TERF2: variants seen among roughly 807,000 people sequenced by gnomAD.
TERF2 encodes the protein telomeric repeat-binding factor 2.
Under a neutral mutation model 56.1 loss-of-function variants are expected in TERF2, and 16 were observed. That is an observed-to-expected ratio of 0.29 (90% CI 0.19 to 0.43). The LOEUF is 0.43. Among genes scored for constraint, TERF2 ranks in the 20% least tolerant of loss-of-function variants. The pLI is 1.00. For missense variants in TERF2, 547 were observed against 712.9 expected, an observed-to-expected ratio of 0.77 and a Z score of 2.65; for synonymous variants, 296 against 282.1, an observed-to-expected ratio of 1.05 and a Z score of -0.50.
chr16:69,382,437 A>C (rs2014037483), intron 3 of TERF2, among the ~76,000 whole-genome samples: 1 of 152,240 alleles, frequency 6.6e-6, no homozygotes, highest in African/African-American at 2.4e-5. Flanking sequence ...GATCAAGGTA[A>C]TTGTGGTTGC....
intron 6 of TERF2, 107 bp from the exon 7 acceptor site, chr16:69,367,306 C>T (rs1474899796): frequency 8.4e-7 from 1 of 1,196,782 alleles, no homozygotes; most frequent in Non-Finnish European, 1.2e-6. Context: ...GTTGAGGAGG[C>T]TTTAAATGTG....
In TERF2 at chr16:69,368,482, T is replaced by C; in HGVS notation, c.841A>G (p.Met281Val). The C allele has an allele frequency of 6.2e-7, 1 of 1,614,082 alleles. No individual in the cohort carries two copies. Among genetic ancestry groups the C allele is most frequent in the Non-Finnish European group, 8.5e-7 (1 of 1,179,998 alleles). Residue 281 changes from methionine (M) to valine (V), a missense_variant and splice_region_variant, in exon 6 of 10, where the codon ATG (methionine) becomes GTG (valine). This residue lies in a region of TERF2 where 97 missense variants were observed against 157.0 expected (regional missense o/e 0.62). Transcript: ENST00000254942. ...TCAGATTTCAAAGCCTTTTTGGCCATCTGGGAAAGGAAGGATGTCATCAGG... is the reference window on the plus strand; with the variant it reads ...TCAGATTTCAAAGCCTTTTTGGCCACCTGGGAAAGGAAGGATGTCATCAGG... ...LDDAEPYLLT[M>V]AKKALKSESA...
chr16:69,366,919 T>C lies in TERF2; in HGVS notation c.1228A>G (p.Ser410Gly). The change falls in exon 7 of 10, where the codon AGC (serine) becomes GGC (glycine). Residue 410 changes from serine to glycine, a missense_variant. This residue lies in a region of TERF2 where 211 missense variants were observed against 236.8 expected (regional missense o/e 0.89). Coordinates refer to ENST00000254942, the MANE Select transcript of TERF2 (RefSeq NM_005652.5). ...TISRLVLEED[S>G]QSTEPSAGLN... Reference sequence around the variant, plus strand: ...CCTGCGCTGGGCTCAGTACTCTGGCTGTCCTCCTCCAAGACCAATCTGCTT... The same window carrying C: ...CCTGCGCTGGGCTCAGTACTCTGGCCGTCCTCCTCCAAGACCAATCTGCTT... The C allele has an allele frequency of 1.2e-6, 2 of 1,614,234 alleles. No homozygotes were observed. The highest frequency in any genetic ancestry group is 1.7e-6 in the Non-Finnish European group (2 of 1,180,026).
chr16:69,357,235 G>A (rs1386164162), intron 9 of TERF2, among the ~76,000 whole-genome samples, 179 bp from the exon 10 acceptor site: 1 of 152,170 alleles, frequency 6.6e-6, no homozygotes, highest in Non-Finnish European at 1.5e-5. Flanking sequence ...CTGGACACAG[G>A]AATTCTTGAT....
At chr16:69,370,901 G>C (rs2013546047) in intron 4 of TERF2, among the ~76,000 whole-genome samples, 3 of 151,926 alleles carry the variant, frequency 2.0e-5, no homozygotes, top group Non-Finnish European at 4.4e-5. Flanking sequence ...AGTGAAAAAA[G>C]CAATTTAGAA....
intron 3 of TERF2, among the ~76,000 whole-genome samples, chr16:69,382,208 TAACA>T (rs1300327113): frequency 6.6e-6 from 1 of 152,232 alleles, no homozygotes; most frequent in Non-Finnish European, 1.5e-5. Flanking sequence ...GGTTCTAACT[TAACA>T]AATAACTTAC....
At position 69,356,358 on chromosome 16, in the gene TERF2, G is replaced by C. The variant is rs967366721; in HGVS notation, c.*540C>G. 3 of 346,914 alleles carry C rather than the reference G, an allele frequency of 8.6e-6. No homozygotes were observed. Among genetic ancestry groups the C allele is most frequent in the African/African-American group, 6.5e-5 (3 of 46,082 alleles). The allele number at this position is 346,914 out of a possible 1,614,324, so 21.5% of individuals were successfully genotyped here. The stretch of plus-strand genomic sequence containing the variant: ...CTAATGATATTCTGGCACTGCACAA[G>C]CTGTGTGCCTGTCATCTCTGCCAAG... On this transcript the variant is annotated 3_prime_UTR_variant, in exon 10 of 10. Coordinates refer to ENST00000254942, the MANE Select transcript of TERF2 (RefSeq NM_005652.5).
intron 7 of TERF2, chr16:69,365,955 G>A (rs2013328282): frequency 6.6e-6 from 1 of 152,210 alleles, no homozygotes; most frequent in Non-Finnish European, 1.5e-5. Context: ...GTGACTTCAG[G>A]TGAGCTAAGA....
In TERF2 at chr16:69,356,799, C is replaced by CAA. The variant is rs372147187; in HGVS notation, c.*97_*98dup. 4,916 of 1,035,236 alleles carry CAA rather than the reference C, an allele frequency of 4.7e-3. No homozygotes were observed. Among genetic ancestry groups the CAA allele is most frequent in the Non-Finnish European group, 5.0e-3 (3,986 of 791,828 alleles). The allele number at this position is 1,035,236 out of a possible 1,614,324, so 64.1% of individuals were successfully genotyped here. On this transcript the variant is annotated 3_prime_UTR_variant, in exon 10 of 10. Transcript: ENST00000254942. ...TGGGTGACAGAGCGAGACTCTGTCT[C>CAA]AAAAAAAAAAAAAAAAGAAAAAGAA...
chr16:69,362,920 GT>G (rs1315148784), intron 7 of TERF2, among the ~76,000 whole-genome samples: 2 of 152,144 alleles, frequency 1.3e-5, no homozygotes, highest in Non-Finnish European at 2.9e-5. Context: ...TTTTAATGCT[GT>G]TTGGGTATTT....
rs2013512081 is a variant in TERF2, at chr16:69,370,182, C to T, written c.840+301G>A. 7 of 368,658 alleles carry T rather than the reference C, an allele frequency of 1.9e-5. No individual in the cohort carries two copies. In the East Asian group the frequency reaches 3.0e-4, roughly 16 times the overall value. 22.8% of individuals were successfully genotyped at this position (368,658 alleles called of 1,614,324 possible). ...AGTAGCTAGGATTACAGGTGCCTGC[C>T]ACCACGCCCAGCTAATTTTTATATT... On this transcript the variant is annotated intron_variant, in intron 5 of 9. Transcript: ENST00000254942.
At chr16:69,376,084 A>G (rs1884478626) in intron 3 of TERF2, among the ~76,000 whole-genome samples, 1 of 151,904 alleles carries the variant, frequency 6.6e-6, no homozygotes, top group Admixed American at 6.6e-5. Context: ...CTATTCATCA[A>G]TTTTTCTTCT....
At chr16:69,357,608 G>A (rs1334649894) in intron 8 of TERF2, 47 bp from the exon 9 acceptor site, 2 of 1,597,300 alleles carry the variant, frequency 1.3e-6, no homozygotes, top group Non-Finnish European at 1.7e-6. Flanking sequence ...ACCTTTCTCT[G>A]CACAAACCAC....
chr16:69,385,256 C>T, intron 2 of TERF2, 135 bp downstream of exon 2: 1 of 720,198 alleles, frequency 1.4e-6, no homozygotes, highest in Non-Finnish European at 2.3e-6. Flanking sequence ...AGAAAACAGA[C>T]CCATCGTAGA....
chr16:69,377,769 T>C (rs922135572), intron 3 of TERF2, among the ~76,000 whole-genome samples: 2 of 152,252 alleles, frequency 1.3e-5, no homozygotes, highest in African/African-American at 4.8e-5. Flanking sequence ...CTGACTTTTC[T>C]TTTTTTACTT....
At chr16:69,362,860 AAT>A (rs1162510674) in intron 7 of TERF2, among the ~76,000 whole-genome samples, 2 of 152,214 alleles carry the variant, frequency 1.3e-5, no homozygotes, top group Non-Finnish European at 2.9e-5. Flanking sequence ...GTTAACCAAG[AAT>A]AGAGACAAAT....
chr16:69,369,916 G>C (rs899144105), intron 5 of TERF2, among the ~76,000 whole-genome samples: 6 of 152,228 alleles, frequency 3.9e-5, no homozygotes, highest in African/African-American at 1.2e-4. Context: ...GATTGCAAGT[G>C]AATGTTCTAC....
At position 69,361,454 on chromosome 16, in the gene TERF2, A is replaced by G. The variant is rs770744479; in HGVS notation, c.1376T>C (p.Val459Ala). Residue 459 changes from valine (V) to alanine (A), a missense_variant, in exon 8 of 10, where the codon GTT becomes GCT. Around this residue, in one of 6 missense-constraint regions of TERF2, gnomAD observed 211 missense variants for 236.8 expected, o/e 0.89. Coordinates refer to ENST00000254942, the MANE Select transcript of TERF2 (RefSeq NM_005652.5). ...TTCCACCCAAGTCTCCTTTTCTTCA[A>G]CCCCATTAGAGCTGTTCCACTTGCC... The part of the protein sequence containing the change: ...PKGKWNSSNG[V>A]EEKETWVEED... The G allele has an allele frequency of 6.2e-7, 1 of 1,613,888 alleles. No homozygotes were observed. Among genetic ancestry groups the G allele is most frequent in the Non-Finnish European group, 8.5e-7 (1 of 1,179,972 alleles).
chr16:69,376,081 T>A (rs2013768534), intron 3 of TERF2, among the ~76,000 whole-genome samples: 2 of 152,236 alleles, frequency 1.3e-5, no homozygotes, highest in Admixed American at 1.3e-4. Context: ...GTCCTATTCA[T>A]CAATTTTTCT....
Sources: gnomAD v4.1 joint callset for allele counts (sites outside exome capture counted in the v4.1 genomes callset) on GRCh38, gnomAD v4.1.1 for gene constraint, gnomAD v4.1.1 regional missense constraint, MANE v1.5 for transcripts, NCBI Gene and HGNC (gene_info 2026-07-23, HGNC 2026-07-21) for gene names.